The following UNC93A variants were observed in gnomAD, a reference collection of about 807,000 sequenced individuals.
The protein encoded by UNC93A is unc-93 homolog A.
Under a neutral mutation model 47.5 loss-of-function variants are expected in UNC93A, and 43 were observed. The observed-to-expected ratio is 0.91, with a 90% CI of 0.71 to 1.17. UNC93A has a LOEUF of 1.17. UNC93A is among the 50% of genes most tolerant of loss of function. The pLI is 0.00. For missense variants in UNC93A, 605 were observed against 577.6 expected (o/e 1.05, Z -0.49); for synonymous variants, 280 against 258.0 (o/e 1.09, Z -0.82).
intron 7 of UNC93A, among the ~76,000 whole-genome samples, chr6:167,313,247 T>C (rs1462784507): frequency 6.6e-6 from 1 of 152,170 alleles, no homozygotes; most frequent in East Asian, 1.9e-4. Flanking sequence ...CCCAAACACA[T>C]CTAGGTGATT....
At chr6:167,283,238 A>G (rs560019820) in intron 1 of UNC93A, among the ~76,000 whole-genome samples, 2 of 152,314 alleles carry the variant, frequency 1.3e-5, no homozygotes, top group South Asian at 4.1e-4. Flanking sequence ...GATTTCTTTC[A>G]AAGCCTGCTA....
At chr6:167,278,214 C>T (rs1482985088) in intron 1 of UNC93A, among the ~76,000 whole-genome samples, 1 of 152,160 alleles carries the variant, frequency 6.6e-6, no homozygotes, top group Non-Finnish European at 1.5e-5. Flanking sequence ...TGACATATAC[C>T]TGAGTGAGGG....
At chr6:167,299,030 A>G (rs1778166075) in intron 4 of UNC93A, among the ~76,000 whole-genome samples, 2 of 151,292 alleles carry the variant, frequency 1.3e-5, no homozygotes, top group Non-Finnish European at 2.9e-5. Flanking sequence ...AGGCAGGAGA[A>G]TCACTTGAAC....
intron 1 of UNC93A, among the ~76,000 whole-genome samples, chr6:167,273,099 T>G (rs1438671673): frequency 6.6e-6 from 1 of 152,184 alleles, no homozygotes; most frequent in East Asian, 1.9e-4. Flanking sequence ...GTGAACGTGC[T>G]CCTCTTACTG....
chr6:167,271,179 GTTAAGACAGAGC>G (rs1783445260), exon 1 of UNC93A: 1 of 152,144 alleles, frequency 6.6e-6, no homozygotes. Flanking sequence ...GAGGGCCAGA[GTTAAGACAGAGC>G]TTAAGACAGA....
chr6:167,293,353 A>G (rs1177113145), intron 1 of UNC93A, among the ~76,000 whole-genome samples: 7 of 152,094 alleles, frequency 4.6e-5, no homozygotes, highest in Non-Finnish European at 1.0e-4. Flanking sequence ...GGGCCCCAGG[A>G]CTGTGGAAGG....
intron 6 of UNC93A, 144 bp from the exon 7 acceptor site, chr6:167,307,635 G>C: frequency 1.0e-6 from 1 of 977,122 alleles, no homozygotes; most frequent in Admixed American, 2.5e-5. Context: ...GGACGGTTGA[G>C]ATGGTTGAGA....
At chr6:167,290,380 T>A (rs887415935), upstream of UNC93A, among the ~76,000 whole-genome samples, 2 of 152,220 alleles carry the variant, frequency 1.3e-5, no homozygotes, top group African/African-American at 2.4e-5. Context: ...CCCTGAGTAG[T>A]GTTGCCAGGA....
chr6:167,305,973 C>T lies in UNC93A; in HGVS notation c.899C>T (p.Ser300Leu), dbSNP rs138052152. ...GTCGGCTACGTGATGATCTGCTTCT[C>T]GGCCACTGACGCGCTGTGCTCCGTG... ...QFVGYVMICFSATDALCSVLY... is the reference protein window; with the variant it reads ...QFVGYVMICFLATDALCSVLY... The change falls in exon 6 of 8, where the codon TCG becomes TTG. Residue 300 changes from serine to leucine, a missense_variant. Transcript: ENST00000230256. The T allele has an allele frequency of 9.3e-6, 15 of 1,614,200 alleles. No individual in the cohort carries two copies. The highest frequency in any genetic ancestry group is 6.7e-5 in the Admixed American group (4 of 60,030).
chr6:167,281,410 G>A (rs935901027), intron 1 of UNC93A, among the ~76,000 whole-genome samples: 3 of 152,318 alleles, frequency 2.0e-5, no homozygotes, highest in East Asian at 1.9e-4. Flanking sequence ...TTGGAGTTGA[G>A]GATGAGATGA....
intron 7 of UNC93A, among the ~76,000 whole-genome samples, chr6:167,313,695 G>A (rs977004305): frequency 6.6e-6 from 1 of 152,032 alleles, no homozygotes; most frequent in Admixed American, 6.5e-5. Context: ...CTGGTTTTCC[G>A]ACCTGCCCAG....
At chr6:167,303,842 T>A (rs780188866) in intron 4 of UNC93A, 77 bp from the exon 5 acceptor site, 45 of 1,432,644 alleles carry the variant, frequency 3.1e-5, no homozygotes, top group Non-Finnish European at 4.2e-5. Flanking sequence ...GGAGGATGAG[T>A]GACTGAAACA....
rs553756110 is a variant in UNC93A, at chr6:167,301,483, G to T, written c.626-2436G>T. ...AAGAACAAGAACACCCTCTCCCTGG[G>T]TAACTTTCCTGGGTTTCTGAGCATT... On this transcript the variant is annotated intron_variant, in intron 4 of 7. Coordinates refer to ENST00000230256, the MANE Select transcript of UNC93A (RefSeq NM_018974.4). Among the ~76,000 whole-genome samples, 315 of 152,276 alleles carry T rather than the reference G, an allele frequency of 2.1e-3. 3 individuals are homozygous for T. Among genetic ancestry groups the T allele is most frequent in the African/African-American group, 7.4e-3 (308 of 41,536 alleles).
At chr6:167,310,481 A>G (rs1456829314) in intron 7 of UNC93A, among the ~76,000 whole-genome samples, 1 of 152,294 alleles carries the variant, frequency 6.6e-6, no homozygotes, top group Non-Finnish European at 1.5e-5. Context: ...ATCAACGTCC[A>G]AGTCCGGTGA....
intron 3 of UNC93A, 82 bp downstream of exon 3, chr6:167,296,343 G>T (rs1200438792): frequency 1.6e-5 from 22 of 1,418,706 alleles, no homozygotes; most frequent in Non-Finnish European, 2.2e-5. Flanking sequence ...GATTTCAGTT[G>T]CACACCTGCC....
At chr6:167,286,410 C>T (rs550536872), upstream of UNC93A, among the ~76,000 whole-genome samples, 47 of 152,346 alleles carry the variant, frequency 3.1e-4, no homozygotes, top group African/African-American at 1.1e-3. Flanking sequence ...TAGCTGGAAA[C>T]AAACGGGGAA....
rs530765533 is a variant in UNC93A, at chr6:167,294,846, G to A, written c.269+148G>A. The A allele has an allele frequency of 1.4e-4, 119 of 877,268 alleles. 2 individuals are homozygous for A. In the South Asian group the frequency reaches 1.6e-3, roughly 12 times the overall value. 54.3% of individuals were successfully genotyped at this position (877,268 alleles called of 1,614,324 possible). On this transcript the variant is annotated intron_variant, in intron 2 of 7. Transcript: ENST00000230256. ...TCTCCTGCCCCTGCACCCCCGCCTC[G>A]CTTTGGTGACAGACGGTGCTGGGCT...
intron 7 of UNC93A, among the ~76,000 whole-genome samples, chr6:167,308,157 T>C (rs1241288279): frequency 6.6e-6 from 1 of 152,142 alleles, no homozygotes; most frequent in South Asian, 2.1e-4. Flanking sequence ...TCCCTCAGGA[T>C]GATGTGGTTT....
chr6:167,299,814 G>A (rs1377175470), intron 4 of UNC93A, among the ~76,000 whole-genome samples: 1 of 152,232 alleles, frequency 6.6e-6, no homozygotes, highest in African/African-American at 2.4e-5. Context: ...GGGGCAAGGT[G>A]GAGGGGCAGA....
Sources: allele counts gnomAD v4.1 joint callset (sites outside exome capture counted in the v4.1 genomes callset), GRCh38; gene constraint gnomAD v4.1.1; transcripts MANE v1.5; gene names NCBI Gene and HGNC (gene_info 2026-07-23, HGNC 2026-07-21).